Variants in POLR1B observed in about 807,000 individuals in gnomAD.
POLR1B encodes RNA polymerase I subunit B, also known as DNA-directed RNA polymerase I subunit RPA2.
In POLR1B, 30 loss-of-function variants were observed where a neutral mutation model predicts 105.8. That is an observed-to-expected ratio of 0.28 (90% CI 0.21 to 0.38). POLR1B has a LOEUF of 0.38. Ranked by LOEUF, POLR1B falls within the 10% of genes least tolerant of loss-of-function variation. The pLI is 1.00. For missense variants in POLR1B, 976 were observed against 1,435.8 expected (o/e 0.68, Z 5.17); for synonymous variants, 485 against 505.1 (o/e 0.96, Z 0.53).
chr2:112,542,360 G>A (rs533509019), upstream of POLR1B: 4 of 1,581,866 alleles, frequency 2.5e-6, no homozygotes, highest in African/African-American at 5.4e-5. Context: ...AGGGCCTAGG[G>A]CGGGTGGAAC....
intron 3 of POLR1B, 75 bp from the exon 4 acceptor site, chr2:112,549,192 G>T: frequency 6.6e-7 from 1 of 1,517,206 alleles, no homozygotes; most frequent in Non-Finnish European, 9.1e-7. Flanking sequence ...TACTACCTTT[G>T]GCTAGGAGTG....
At chr2:112,548,717 A>G (rs1166121731) in intron 3 of POLR1B, among the ~76,000 whole-genome samples, 3 of 150,946 alleles carry the variant, frequency 2.0e-5, no homozygotes, top group Non-Finnish European at 1.5e-5. Flanking sequence ...GGTTCAAGCC[A>G]TTCTCCTGCC....
rs1427280185 is a variant in POLR1B, at chr2:112,575,834, G to A, written c.*105G>A. 4.6e-6 allele frequency: 6 copies of A among 1,308,546 alleles called. No individual in the cohort carries two copies. The highest frequency in any genetic ancestry group is 1.4e-5 in the South Asian group (1 of 70,142). 81.1% of individuals were successfully genotyped at this position (1,308,546 alleles called of 1,614,324 possible). On this transcript the variant is annotated 3_prime_UTR_variant, in exon 15 of 15. Coordinates refer to ENST00000263331, the MANE Select transcript of POLR1B (RefSeq NM_019014.6). This position sits in a 1 kb window ranked among gnomAD's most constrained non-coding sequence, Gnocchi z 5.3. ...CAGGTTACTCTTGAGATTTTTCAACGGTGTTAGAACTCTCAACCAAGACCT... is the reference window on the plus strand; with the variant it reads ...CAGGTTACTCTTGAGATTTTTCAACAGTGTTAGAACTCTCAACCAAGACCT...
At chr2:112,547,381 A>C (rs370957598) in intron 2 of POLR1B, 40 bp from the exon 3 acceptor site, 4 of 1,592,510 alleles carry the variant, frequency 2.5e-6, no homozygotes, top group Non-Finnish European at 2.6e-6. Context: ...GTAAATGCAG[A>C]TATTTCTGTT....
intron 11 of POLR1B, 104 bp downstream of exon 11, chr2:112,568,241 A>G (rs1684407287): frequency 5.1e-6 from 6 of 1,171,756 alleles, no homozygotes; most frequent in East Asian, 4.8e-5. Context: ...TAATGTTACA[A>G]CAACAGTTGG....
chr2:112,546,785 G>A (rs1175535479), intron 1 of POLR1B: 3 of 346,608 alleles, frequency 8.7e-6, no homozygotes, highest in Non-Finnish European at 1.6e-5. Flanking sequence ...GGATGGTCTC[G>A]ATCTCCTGAC....
intron 9 of POLR1B, among the ~76,000 whole-genome samples, chr2:112,563,634 A>G (rs1456231617): frequency 6.6e-6 from 1 of 152,162 alleles, no homozygotes; most frequent in African/African-American, 2.4e-5. Context: ...ACAGTGGCTT[A>G]GGCCTGTAAT....
intron 1 of POLR1B, among the ~76,000 whole-genome samples, chr2:112,546,719 G>A (rs575250507): frequency 1.5e-3 from 225 of 151,300 alleles, no homozygotes; most frequent in Non-Finnish European, 2.9e-3. Context: ...CCACCACCAC[G>A]CCTGGCTAAT....
rs1428147704 is a variant in POLR1B at position 112,568,130 on chromosome 2, T to C, written c.1910T>C (p.Met637Thr). 4 of 1,613,536 alleles carry C rather than the reference T, an allele frequency of 2.5e-6. No homozygotes were observed. The highest frequency in any genetic ancestry group is 1.3e-5 in the African/African-American group (1 of 74,916). Residue 637 changes from methionine (M) to threonine (T), a missense_variant, in exon 11 of 15, where the codon ATG becomes ACG. Physicochemically the swap from Met to Thr is moderately conservative, Grantham distance 81. Transcript: ENST00000263331. Reference protein sequence around the residue: ...ALGKEELIGTMEQIFMNVAIF... With the variant: ...ALGKEELIGTTEQIFMNVAIF... ...GGCAAAGAAGAGCTAATTGGAACTA[T>C]GGAACAGGTAAATACATATGTGTGA...
intron 4 of POLR1B, among the ~76,000 whole-genome samples, chr2:112,549,936 T>A (rs1176370384): frequency 1.3e-5 from 2 of 151,996 alleles, no homozygotes; most frequent in Non-Finnish European, 2.9e-5. Context: ...TATATGTATA[T>A]GTATATTCAA....
intron 7 of POLR1B, chr2:112,554,479 A>G (rs1171796993): frequency 6.6e-6 from 1 of 152,078 alleles, no homozygotes; most frequent in Non-Finnish European, 1.5e-5. Context: ...ATTCTTCCCG[A>G]AAGGTAATAA....
At position 112,577,691 on chromosome 2, in the gene POLR1B, C is replaced by T. The variant is rs1684929100; in HGVS notation, c.*1962C>T. ...CCCCAGCTCTACAAAAAAAATTAGC[C>T]TGGTGTGGTGGCACATGCCTGTAGT... On this transcript the variant is annotated 3_prime_UTR_variant, in exon 15 of 15. Coordinates refer to ENST00000263331, the MANE Select transcript of POLR1B (RefSeq NM_019014.6). 6.6e-6 allele frequency among the ~76,000 whole-genome samples: 1 copy of T among 151,824 alleles called. No homozygotes were observed. Among genetic ancestry groups the T allele is most frequent in the African/African-American group, 2.4e-5 (1 of 41,326 alleles).
chr2:112,542,438 G>C (rs774366073), upstream of POLR1B: 7 of 1,328,894 alleles, frequency 5.3e-6, no homozygotes, highest in South Asian at 1.4e-5. Context: ...GGCGTGTACC[G>C]AGAGACTGGC....
chr2:112,576,744 A>C lies in POLR1B; in HGVS notation c.*1015A>C, dbSNP rs1382207676. 3 of 152,042 alleles carry C rather than the reference A, an allele frequency of 2.0e-5. No individual in the cohort carries two copies. The highest frequency in any genetic ancestry group is 4.4e-5 in the Non-Finnish European group (3 of 67,990). 9.4% of individuals were successfully genotyped at this position (152,042 alleles called of 1,614,324 possible). On this transcript the variant is annotated 3_prime_UTR_variant, in exon 15 of 15. Transcript: ENST00000263331. ...GAGGATCATTTGAGTGCAGGAGTTC[A>C]AGGACAGCCTGGGTAATATAGGAAG...
At chr2:112,560,457 T>C (rs1196262822) in intron 9 of POLR1B, among the ~76,000 whole-genome samples, 2 of 152,078 alleles carry the variant, frequency 1.3e-5, no homozygotes, top group East Asian at 3.9e-4. Flanking sequence ...TCATCAGATA[T>C]ATAACCTTTT....
chr2:112,564,318 T>C (rs747378420), intron 9 of POLR1B, 48 bp from the exon 10 acceptor site: 5 of 1,599,008 alleles, frequency 3.1e-6, no homozygotes, highest in Non-Finnish European at 2.6e-6. Context: ...ATCTGGAATG[T>C]TGGATGAAGC....
At chr2:112,558,127 C>CT in intron 8 of POLR1B, 46 bp downstream of exon 8, 1 of 1,284,814 alleles carries the variant, frequency 7.8e-7, no homozygotes, top group Non-Finnish European at 1.0e-6. Context: ...AAATTAGTTG[C>CT]TTAGTGTAGA....
intron 12 of POLR1B, among the ~76,000 whole-genome samples, chr2:112,569,794 A>T (rs1165226522): frequency 6.6e-6 from 1 of 151,952 alleles, no homozygotes; most frequent in Non-Finnish European, 1.5e-5. Context: ...TCCTGACCTC[A>T]GGTGACCTGC....
Position 112,557,993 on chromosome 2 carries a change from C to G in POLR1B, c.1242C>G (p.Asp414Glu). The change falls in exon 8 of 15, where the codon GAC (aspartate) becomes GAG (glutamate). Residue 414 changes from aspartate (D) to glutamate (E), a missense_variant. Around this residue, in one of 12 missense-constraint regions of POLR1B, gnomAD observed 452 missense variants for 616.5 expected, o/e 0.73. Transcript: ENST00000263331. ...AQKTSVSMNT[D>E]NLMRIFTMGI... ...AGACCAGTGTTTCCATGAACACTGA[C>G]AATTTGATGAGGATTTTTACAATGG... is the stretch of plus-strand genomic sequence containing the variant. 7.0e-7 allele frequency: 1 copy of G among 1,423,998 alleles called. No individual in the cohort carries two copies. Among genetic ancestry groups the G allele is most frequent in the Non-Finnish European group, 9.3e-7 (1 of 1,074,972 alleles). The allele number at this position is 1,423,998 out of a possible 1,614,324, so 88.2% of individuals were successfully genotyped here.
Sources: gnomAD v4.1 joint callset for allele counts (sites outside exome capture counted in the v4.1 genomes callset) on GRCh38, gnomAD v4.1.1 for gene constraint, gnomAD v4.1.1 regional missense constraint, Gnocchi (gnomAD v3.1) non-coding constraint, MANE v1.5 for transcripts, NCBI Gene and HGNC (gene_info 2026-07-23, HGNC 2026-07-21) for gene names.